Variants in DLG2 observed in about 807,000 individuals in gnomAD.
DLG2 encodes the protein discs large MAGUK scaffold protein 2.
DLG2 carries 45 observed loss-of-function variants against 132.5 expected under a neutral mutation model. The ratio of observed to expected loss-of-function variants is 0.34; its 90% CI spans 0.27 to 0.44. The LOEUF (loss-of-function observed/expected upper bound fraction) is 0.44. DLG2 is among the 20% of genes least tolerant of loss of function. The probability of loss-of-function intolerance (pLI) is 1.00; values close to 1 mark genes in which losing one functional copy is unlikely to be tolerated. For synonymous variants in DLG2, 424 were observed against 419.6 expected (o/e 1.01, Z -0.13); for missense variants, 1,045 against 1,196.9 (o/e 0.87, Z 1.87).
intron 11 of DLG2, among the ~76,000 whole-genome samples, chr11:83,987,474 G>T (rs2093409184): frequency 6.6e-6 from 1 of 152,124 alleles, no homozygotes; most frequent in African/African-American, 2.4e-5. Flanking sequence ...AACCAAAACA[G>T]CATGGTACTG....
intron 6 of DLG2, among the ~76,000 whole-genome samples, chr11:84,793,005 T>C (rs1271075107): frequency 6.6e-6 from 1 of 152,184 alleles, no homozygotes; most frequent in Non-Finnish European, 1.5e-5. Context: ...GGTGTATCAT[T>C]AAATAATTTG....
rs557551374 is a variant in DLG2 at position 84,858,246 on chromosome 11, A to G, written c.357+253415T>C. On this transcript the variant is annotated intron_variant, in intron 6 of 27. Transcript: ENST00000376104. ...TTGCATATCCTTAAGGGCCAAGTTTAGAAACAGCAGTAGGTTTATAGTTGC... is the reference window on the plus strand; with the variant it reads ...TTGCATATCCTTAAGGGCCAAGTTTGGAAACAGCAGTAGGTTTATAGTTGC... Among the ~76,000 whole-genome samples, 3 of 152,138 alleles carry G rather than the reference A, an allele frequency of 2.0e-5. No homozygotes were observed. The South Asian group carries it at 6.2e-4, about 32-fold the overall frequency.
At chr11:84,448,172 G>A (rs914880024) in intron 7 of DLG2, among the ~76,000 whole-genome samples, 7 of 152,014 alleles carry the variant, frequency 4.6e-5, no homozygotes, top group Non-Finnish European at 1.0e-4. Flanking sequence ...TTTGGAATGG[G>A]AACTTTCTTT....
intron 6 of DLG2, among the ~76,000 whole-genome samples, chr11:85,007,664 C>CAAAAAAAAAAAAAA (rs57188165): frequency 1.1e-5 from 1 of 88,534 alleles, no homozygotes; most frequent in Non-Finnish European, 2.2e-5. Flanking sequence ...GACTCCGTCT[C>CAAAAAAAAAAAAAA]AAAAAAAAAA....
At chr11:85,612,228 A>G (rs554775567) in intron 2 of DLG2, among the ~76,000 whole-genome samples, 1 of 152,238 alleles carries the variant, frequency 6.6e-6, no homozygotes, top group South Asian at 2.1e-4. Flanking sequence ...GAAAGCACTG[A>G]GGCCACTGAC....
intron 6 of DLG2, among the ~76,000 whole-genome samples, chr11:84,819,214 T>C (rs772424621): frequency 1.9e-4 from 29 of 151,852 alleles, no homozygotes; most frequent in Non-Finnish European, 3.7e-4. Context: ...TATGTGGTAT[T>C]TAAACCTATA....
intron 9 of DLG2, among the ~76,000 whole-genome samples, chr11:84,123,202 A>C (rs2094007521): frequency 6.6e-6 from 1 of 152,216 alleles, no homozygotes. Context: ...AAAGGGCATA[A>C]TAATACTTCA....
At chr11:85,322,548 T>C (rs1188232700) in intron 3 of DLG2, among the ~76,000 whole-genome samples, 1 of 152,170 alleles carries the variant, frequency 6.6e-6, no homozygotes, top group Non-Finnish European at 1.5e-5. Context: ...TCTCTCATTT[T>C]CCACAATGAA....
chr11:85,352,912 A>G (rs1316525441), intron 3 of DLG2, among the ~76,000 whole-genome samples: 1 of 152,236 alleles, frequency 6.6e-6, no homozygotes, highest in Non-Finnish European at 1.5e-5. Context: ...AATACCATTC[A>G]GGACATAGGC....
chr11:83,490,464 C>T (rs2093776157), intron 21 of DLG2, among the ~76,000 whole-genome samples: 1 of 151,894 alleles, frequency 6.6e-6, no homozygotes, highest in Non-Finnish European at 1.5e-5. Context: ...CAGGAAATCA[C>T]CATTTTGTAA....
At chr11:83,858,279 T>A (rs1332584557) in intron 16 of DLG2, among the ~76,000 whole-genome samples, 1 of 151,922 alleles carries the variant, frequency 6.6e-6, no homozygotes. Context: ...TGTCAGGGGG[T>A]CAAAACCACA....
intron 18 of DLG2, among the ~76,000 whole-genome samples, chr11:83,649,800 T>C (rs572178576): frequency 2.0e-5 from 3 of 152,272 alleles, no homozygotes; most frequent in Admixed American, 2.0e-4. Context: ...CTTTCCCCTC[T>C]CTGTTTCAGG....
At chr11:84,656,519 G>A (rs1174100837) in intron 6 of DLG2, among the ~76,000 whole-genome samples, 2 of 152,172 alleles carry the variant, frequency 1.3e-5, no homozygotes, top group Non-Finnish European at 2.9e-5. Context: ...AGGGAGGAAA[G>A]AAAAATACTC....
intron 3 of DLG2, among the ~76,000 whole-genome samples, chr11:85,396,583 A>G (rs1039697461): frequency 6.6e-6 from 1 of 152,204 alleles, no homozygotes; most frequent in African/African-American, 2.4e-5. Context: ...AAGATCTTAA[A>G]TGACCTGATG....
chr11:84,784,030 G>A (rs1320208348), intron 6 of DLG2, among the ~76,000 whole-genome samples: 2 of 149,776 alleles, frequency 1.3e-5, no homozygotes, highest in Admixed American at 6.8e-5. Context: ...GGGCACAGTG[G>A]CTCACACCTA....
intron 6 of DLG2, among the ~76,000 whole-genome samples, chr11:84,870,024 G>C (rs561827780): frequency 6.6e-6 from 1 of 152,168 alleles, no homozygotes; most frequent in Non-Finnish European, 1.5e-5. Flanking sequence ...TTTATTGCAT[G>C]GGTTTTTGAA....
At chr11:83,574,607 T>G (rs990925479) in intron 19 of DLG2, among the ~76,000 whole-genome samples, 3 of 152,208 alleles carry the variant, frequency 2.0e-5, no homozygotes, top group African/African-American at 7.2e-5. Flanking sequence ...AATTAAAGTA[T>G]TATAGGTTCA....
chr11:84,120,041 G>A (rs2154200364), intron 9 of DLG2, among the ~76,000 whole-genome samples: 1 of 152,270 alleles, frequency 6.6e-6, no homozygotes, highest in East Asian at 1.9e-4. Context: ...CTTGATGCCT[G>A]AACTAATTTC....
chr11:83,965,350 G>T lies in DLG2; in HGVS notation c.1175C>A (p.Pro392His). Reference protein sequence around the residue: ...GKPTTIYMTDPYGPPDITHSY... With the variant: ...GKPTTIYMTDHYGPPDITHSY... ...GTGAGTAATATCAGGTGGACCATAA[G>T]GATCAGTCATATAAATGGTAGTGGG... The change falls in exon 13 of 28, where the codon CCT becomes CAT. Residue 392 changes from proline to histidine, a missense_variant. Physicochemically the swap from Pro to His is moderately conservative, Grantham distance 77 (BLOSUM62 -2). This residue lies in a region of DLG2 where 261 missense variants were observed against 256.1 expected (regional missense o/e 1.02). Coordinates refer to ENST00000376104, the MANE Select transcript of DLG2 (RefSeq NM_001142699.3). The T allele has an allele frequency of 6.2e-7, 1 of 1,611,288 alleles. No individual in the cohort carries two copies. Among genetic ancestry groups the T allele is most frequent in the Non-Finnish European group, 8.5e-7 (1 of 1,178,422 alleles).
Sources: allele counts gnomAD v4.1 joint callset (sites outside exome capture counted in the v4.1 genomes callset), GRCh38; gene constraint gnomAD v4.1.1; regional missense constraint gnomAD v4.1.1; transcripts MANE v1.5; gene names NCBI Gene and HGNC (gene_info 2026-07-23, HGNC 2026-07-21).